The following TAPT1 variants were observed in gnomAD, a reference collection of about 807,000 sequenced individuals.
The protein encoded by TAPT1 is transmembrane anterior posterior transformation protein 1 homolog.
Under a neutral mutation model 65.6 loss-of-function variants are expected in TAPT1, and 28 were observed. The ratio of observed to expected loss-of-function variants is 0.43; its 90% CI spans 0.32 to 0.59. TAPT1 has a LOEUF of 0.59. Ranked by LOEUF, TAPT1 falls within the 20% of genes least tolerant of loss-of-function variation. The pLI is 0.09. For missense variants in TAPT1, 563 were observed against 679.9 expected (o/e 0.83, Z 1.91); for synonymous variants, 278 against 245.2 (o/e 1.13, Z -1.25).
chr4:16,215,307 A>AAT lies in TAPT1; in HGVS notation c.200-1411_200-1410dup, dbSNP rs748377154. On this transcript the variant is annotated intron_variant, in intron 1 of 13. Coordinates refer to ENST00000405303, the MANE Select transcript of TAPT1 (RefSeq NM_153365.3). ...CTGTGTCTCAAAACAACAACAACAA[A>AAT]ATATATATATATATCTCCTTAAAAG... Among the ~76,000 whole-genome samples, 162 of 151,272 alleles carry AAT rather than the reference A, an allele frequency of 1.1e-3. 2 individuals carry two copies. Among genetic ancestry groups the AAT allele is most frequent in the African/African-American group, 2.8e-3 (116 of 41,190 alleles).
chr4:16,174,162 T>C lies in TAPT1; in HGVS notation c.1236+42A>G, dbSNP rs780554778. The C allele has an allele frequency of 2.3e-5, 32 of 1,368,914 alleles. No individual in the cohort carries two copies. In the South Asian group the frequency reaches 3.9e-4, roughly 17 times the overall value. 84.8% of individuals were successfully genotyped at this position (1,368,914 alleles called of 1,614,324 possible). A position where few individuals can be genotyped will look rare whatever the true frequency, so the allele number is the denominator to read the frequency against. Reference sequence around the variant, plus strand: ...TCCATTTATTAATATTCTATAATGATGGCTACTTTGTTACAAAAAACATTA... The same window carrying C: ...TCCATTTATTAATATTCTATAATGACGGCTACTTTGTTACAAAAAACATTA... On this transcript the variant is annotated intron_variant, in intron 11 of 13. Transcript: ENST00000405303.
intron 3 of TAPT1, among the ~76,000 whole-genome samples, chr4:16,197,868 T>C (rs1366318701): frequency 6.6e-6 from 1 of 152,198 alleles, no homozygotes; most frequent in Non-Finnish European, 1.5e-5. Flanking sequence ...TTTTTAAGTC[T>C]ACAACAAAAT....
At position 16,191,515 on chromosome 4, in the gene TAPT1, C is replaced by A; in HGVS notation, c.458G>T (p.Arg153Leu). 1 of 1,557,038 alleles carries A rather than the reference C, an allele frequency of 6.4e-7. No homozygotes were observed. The highest frequency in any genetic ancestry group is 1.9e-5 in the Admixed American group (1 of 51,556). ...TLPCYGLRDR[R>L]LLQPAQVCDI... ...ACACACCTGGGCAGGCTGAAGCAAA[C>A]GTCTGTCCCTGAAACATACAAGAAG... The change falls in exon 4 of 14, where the codon CGT (arginine) becomes CTT (leucine). Residue 153 changes from arginine to leucine, a missense_variant. Coordinates refer to ENST00000405303, the MANE Select transcript of TAPT1 (RefSeq NM_153365.3).
At chr4:16,185,746 T>A (rs559507197) in intron 7 of TAPT1, among the ~76,000 whole-genome samples, 49 of 152,234 alleles carry the variant, frequency 3.2e-4, no homozygotes, top group African/African-American at 1.0e-3. Flanking sequence ...GGATGAGCCA[T>A]GTGTGCTCTT....
At chr4:16,199,515 T>C (rs955401703) in intron 3 of TAPT1, among the ~76,000 whole-genome samples, 1 of 152,202 alleles carries the variant, frequency 6.6e-6, no homozygotes, top group Non-Finnish European at 1.5e-5. Flanking sequence ...TAACCACTAG[T>C]AAAAGTAAAT....
intron 2 of TAPT1, among the ~76,000 whole-genome samples, chr4:16,213,024 C>A (rs1264502417): frequency 6.6e-6 from 1 of 152,164 alleles, no homozygotes; most frequent in Non-Finnish European, 1.5e-5. Flanking sequence ...AAGTATGATT[C>A]TAAGAAGACG....
At chr4:16,168,869 C>T (rs1662652) in intron 12 of TAPT1, among the ~76,000 whole-genome samples, 8,094 of 152,208 alleles carry the variant, frequency 0.053, 238 homozygotes, top group Middle Eastern at 0.14. Flanking sequence ...AGAGCAGTAA[C>T]GGCAGAGGCT....
At chr4:16,191,132 C>G (rs938942888) in intron 4 of TAPT1, 6 of 413,594 alleles carry the variant, frequency 1.5e-5, no homozygotes, top group Non-Finnish European at 2.6e-5. Flanking sequence ...CCCAGACCAG[C>G]AGCATGAGCC....
At chr4:16,177,091 T>C (rs999720808) in intron 8 of TAPT1, among the ~76,000 whole-genome samples, 1 of 152,236 alleles carries the variant, frequency 6.6e-6, no homozygotes, top group African/African-American at 2.4e-5. Flanking sequence ...AGGGTAACCA[T>C]AGTTTACAAT....
chr4:16,176,061 T>TA, intron 9 of TAPT1, 58 bp downstream of exon 9: 1 of 845,480 alleles, frequency 1.2e-6, no homozygotes, highest in Non-Finnish European at 1.8e-6. Context: ...CTACAACTTT[T>TA]AAAAATTAAG....
chr4:16,166,882 G>C, intron 12 of TAPT1, 89 bp from the exon 13 acceptor site: 1 of 1,296,372 alleles, frequency 7.7e-7, no homozygotes, highest in Non-Finnish European at 1.1e-6. Flanking sequence ...AGGAGAAGGT[G>C]GGGGGGCATG....
At chr4:16,178,987 G>T (rs1458170891) in intron 8 of TAPT1, 1 of 152,274 alleles carries the variant, frequency 6.6e-6, no homozygotes, top group East Asian at 1.9e-4. Flanking sequence ...CACCTACTGA[G>T]TGTACAGCTC....
intron 2 of TAPT1, among the ~76,000 whole-genome samples, chr4:16,204,301 C>G (rs1750213812): frequency 1.3e-5 from 2 of 152,324 alleles, no homozygotes; most frequent in Admixed American, 6.5e-5. Context: ...TTCCAAAGCA[C>G]TGAAGACAGT....
intron 3 of TAPT1, chr4:16,196,608 G>C (rs1449589040): frequency 8.0e-6 from 8 of 995,998 alleles, no homozygotes; most frequent in Non-Finnish European, 1.1e-5. Flanking sequence ...TGCATTTAAT[G>C]AATGTCAATT....
At chr4:16,200,223 G>C (rs1386430299) in intron 3 of TAPT1, among the ~76,000 whole-genome samples, 5 of 152,200 alleles carry the variant, frequency 3.3e-5, no homozygotes, top group Non-Finnish European at 7.3e-5. Context: ...TCCACATAAA[G>C]ATGGCTAGAA....
intron 3 of TAPT1, among the ~76,000 whole-genome samples, chr4:16,193,923 T>A (rs1749536340): frequency 6.6e-6 from 1 of 152,126 alleles, no homozygotes; most frequent in Admixed American, 6.5e-5. Flanking sequence ...ATAATTTTGA[T>A]AACTAATTAA....
chr4:16,196,855 A>G, intron 3 of TAPT1: 1 of 455,704 alleles, frequency 2.2e-6, no homozygotes, highest in Non-Finnish European at 4.3e-6. Context: ...ATTGCTCTCA[A>G]CAAATAAGCC....
At chr4:16,196,856 C>T in intron 3 of TAPT1, 1 of 452,824 alleles carries the variant, frequency 2.2e-6, no homozygotes, top group East Asian at 7.0e-5. Flanking sequence ...TTGCTCTCAA[C>T]AAATAAGCCA....
At chr4:16,225,235 A>G (rs1751479123) in intron 1 of TAPT1, among the ~76,000 whole-genome samples, 1 of 152,258 alleles carries the variant, frequency 6.6e-6, no homozygotes, top group Non-Finnish European at 1.5e-5. Context: ...AATCAATTAG[A>G]ATCGCATCTG....
Sources: gnomAD v4.1 joint callset for allele counts (sites outside exome capture counted in the v4.1 genomes callset) on GRCh38, gnomAD v4.1.1 for gene constraint, MANE v1.5 for transcripts, NCBI Gene and HGNC (gene_info 2026-07-23, HGNC 2026-07-21) for gene names.